Variants in DPP10 observed in about 807,000 individuals in gnomAD.
The protein encoded by DPP10 is inactive dipeptidyl peptidase 10.
Under a neutral mutation model 120.9 loss-of-function variants are expected in DPP10, and 33 were observed. That is an observed-to-expected ratio of 0.27 (90% CI 0.21 to 0.37). The LOEUF is 0.37. Ranked by LOEUF, DPP10 falls within the 10% of genes least tolerant of loss-of-function variation. The probability of loss-of-function intolerance (pLI) is 1.00; values close to 1 mark genes in which losing one functional copy is unlikely to be tolerated. For synonymous variants in DPP10, 337 were observed against 326.1 expected (o/e 1.03, Z -0.36); for missense variants, 816 against 942.8 (o/e 0.87, Z 1.76).
At chr2:115,681,200 C>G (rs2090626859) in intron 5 of DPP10, among the ~76,000 whole-genome samples, 1 of 151,686 alleles carries the variant, frequency 6.6e-6, no homozygotes, top group Admixed American at 6.6e-5. Flanking sequence ...ACACATTTTA[C>G]TTTTGAGAAT....
At chr2:114,472,380 G>C (rs1197576323) in intron 1 of DPP10, among the ~76,000 whole-genome samples, 2 of 152,172 alleles carry the variant, frequency 1.3e-5, no homozygotes, top group Non-Finnish European at 2.9e-5. Flanking sequence ...GGCAGAGAAA[G>C]GATTTATAAT....
chr2:114,821,604 A>C (rs1686092365), intron 1 of DPP10, among the ~76,000 whole-genome samples: 2 of 152,206 alleles, frequency 1.3e-5, no homozygotes, highest in Non-Finnish European at 2.9e-5. Context: ...GTCTCATCTG[A>C]GGCAAAGCAA....
chr2:114,806,406 A>C (rs973771754), intron 1 of DPP10, among the ~76,000 whole-genome samples: 3 of 152,212 alleles, frequency 2.0e-5, no homozygotes, highest in South Asian at 4.1e-4. Context: ...CAATTTTAGA[A>C]TCCAAGCCTA....
intron 21 of DPP10, among the ~76,000 whole-genome samples, chr2:115,832,804 CT>C (rs939684643): frequency 1.6e-4 from 24 of 147,108 alleles, no homozygotes; most frequent in East Asian, 1.2e-3. Context: ...AGCACTGGCA[CT>C]TTTTTTTTTT....
At chr2:114,962,641 C>A (rs529518844) in intron 1 of DPP10, among the ~76,000 whole-genome samples, 2 of 152,202 alleles carry the variant, frequency 1.3e-5, no homozygotes, top group Admixed American at 1.3e-4. Context: ...CGATGTCTGC[C>A]CTTTGAGAGA....
intron 1 of DPP10, among the ~76,000 whole-genome samples, chr2:114,706,824 A>G (rs1173684195): frequency 6.6e-6 from 1 of 152,212 alleles, no homozygotes; most frequent in East Asian, 1.9e-4. Context: ...TTCTAGGCAC[A>G]TCTTAATTCT....
chr2:115,455,101 TA>T (rs897318778), intron 3 of DPP10, among the ~76,000 whole-genome samples: 1 of 151,192 alleles, frequency 6.6e-6, no homozygotes. Context: ...AGAATATAAA[TA>T]AAAAAGATTA....
chr2:115,763,779 C>A (rs1019742300), intron 12 of DPP10, among the ~76,000 whole-genome samples: 62 of 152,098 alleles, frequency 4.1e-4, no homozygotes, highest in Non-Finnish European at 1.2e-4. Context: ...ACTCAAAGAA[C>A]TTTTCTCTCT....
chr2:115,271,437 A>G (rs2059694319), intron 1 of DPP10, among the ~76,000 whole-genome samples: 1 of 152,160 alleles, frequency 6.6e-6, no homozygotes, highest in Non-Finnish European at 1.5e-5. Flanking sequence ...TGACTTCTAG[A>G]GTCTTTGCTC....
chr2:115,202,999 C>A (rs1373859045), intron 1 of DPP10, among the ~76,000 whole-genome samples: 1 of 152,110 alleles, frequency 6.6e-6, no homozygotes, highest in Non-Finnish European at 1.5e-5. Context: ...GGAGTTAATG[C>A]TTATTTTGCA....
chr2:114,707,753 A>G (rs1700774064), intron 1 of DPP10, among the ~76,000 whole-genome samples: 1 of 152,140 alleles, frequency 6.6e-6, no homozygotes, highest in African/African-American at 2.4e-5. Flanking sequence ...TCTGCTATCC[A>G]ATGCCAATCA....
At chr2:114,955,566 G>A (rs1698137811) in intron 1 of DPP10, among the ~76,000 whole-genome samples, 1 of 152,184 alleles carries the variant, frequency 6.6e-6, no homozygotes, top group East Asian at 1.9e-4. Context: ...AAATATTGAA[G>A]AAGAGTGACC....
chr2:115,397,564 G>T (rs571710661), intron 3 of DPP10, among the ~76,000 whole-genome samples: 10 of 152,142 alleles, frequency 6.6e-5, no homozygotes, highest in African/African-American at 2.4e-4. Context: ...TTTGAAAGTG[G>T]TCACCCAAGC....
At chr2:115,765,990 C>T (rs905553559) in intron 12 of DPP10, among the ~76,000 whole-genome samples, 8 of 151,830 alleles carry the variant, frequency 5.3e-5, no homozygotes, top group African/African-American at 1.9e-4. Flanking sequence ...TCAAACTGTT[C>T]AGTATATTAA....
chr2:115,267,516 T>G (rs74870004), intron 1 of DPP10, among the ~76,000 whole-genome samples: 2,905 of 152,188 alleles, frequency 0.019, 85 homozygotes, highest in African/African-American at 0.064. Context: ...TTCTTGAAAA[T>G]AAGAACACCT....
chr2:115,575,098 A>G (rs929168280), intron 5 of DPP10, among the ~76,000 whole-genome samples: 1 of 152,210 alleles, frequency 6.6e-6, no homozygotes, highest in Non-Finnish European at 1.5e-5. Flanking sequence ...AGAATCCTTC[A>G]GTTGCCCTGC....
At chr2:115,560,119 C>T (rs186078162) in intron 5 of DPP10, among the ~76,000 whole-genome samples, 4 of 151,474 alleles carry the variant, frequency 2.6e-5, no homozygotes, top group African/African-American at 7.3e-5. Flanking sequence ...TTTTAAGATA[C>T]GACAACTTTG....
intron 1 of DPP10, among the ~76,000 whole-genome samples, chr2:114,498,164 T>G (rs1012659197): frequency 4.6e-5 from 7 of 152,206 alleles, no homozygotes; most frequent in Admixed American, 6.5e-5. Flanking sequence ...TACCTATCAT[T>G]TTTTATGGTA....
intron 5 of DPP10, among the ~76,000 whole-genome samples, chr2:115,544,038 TAAA>T (rs888262678): frequency 1.3e-5 from 2 of 148,820 alleles, no homozygotes; most frequent in African/African-American, 4.9e-5. Context: ...GGAAAATAAT[TAAA>T]GAAAAAAAAA....
Sources: allele counts gnomAD v4.1 joint callset (sites outside exome capture counted in the v4.1 genomes callset), GRCh38; gene constraint gnomAD v4.1.1; transcripts MANE v1.5; gene names NCBI Gene and HGNC (gene_info 2026-07-23, HGNC 2026-07-21).